Variants in NECTIN2 observed in about 807,000 individuals in gnomAD.
NECTIN2 encodes nectin cell adhesion molecule 2.
NECTIN2 carries 23 observed loss-of-function variants against 56.9 expected under a neutral mutation model. The observed-to-expected ratio is 0.40, with a 90% CI of 0.29 to 0.57. The LOEUF is 0.57. Ranked by LOEUF, NECTIN2 falls within the 20% of genes least tolerant of loss-of-function variation. The probability of loss-of-function intolerance (pLI) is 0.38; values close to 1 mark genes in which losing one functional copy is unlikely to be tolerated. For missense variants in NECTIN2, 587 were observed against 718.3 expected, an observed-to-expected ratio of 0.82 and a Z score of 2.09; for synonymous variants, 302 against 313.8, an observed-to-expected ratio of 0.96 and a Z score of 0.40.
chr19:44,878,283 C>A (rs1344422951), intron 5 of NECTIN2: 13 of 1,245,386 alleles, frequency 1.0e-5, no homozygotes, highest in Non-Finnish European at 1.3e-5. Flanking sequence ...GTGGGGGGGA[C>A]ACTGCTGGTG....
rs369691843 is a variant in NECTIN2 at position 44,886,088 on chromosome 19, G to A, written c.1261-45G>A. 152 of 1,577,364 alleles carry A rather than the reference G, an allele frequency of 9.6e-5. 1 individual carries two copies. In the South Asian group the frequency reaches 1.4e-3, roughly 14 times the overall value. Reference sequence around the variant, plus strand: ...GGCCTGGCAGGGAGAAGCTGGCTGGGTGGTGGGGGCAGTTCCTGACCTCCC... The same window carrying A: ...GGCCTGGCAGGGAGAAGCTGGCTGGATGGTGGGGGCAGTTCCTGACCTCCC... On this transcript the variant is annotated intron_variant, in intron 7 of 8. Transcript: ENST00000252483.
rs1969232712 is a variant in NECTIN2, at chr19:44,875,997, A to G, written c.1042+1519A>G. On this transcript the variant is annotated intron_variant, in intron 5 of 8. Coordinates refer to ENST00000252483, the MANE Select transcript of NECTIN2 (RefSeq NM_001042724.2). The surrounding 1 kb of genome is among the most constrained non-coding windows in gnomAD (Gnocchi z 4.2). ...ACTAATCCAGGACAGCAACGGCTGC[A>G]CACGGAGGAATGTCATCCCTCACTC... 6.6e-6 allele frequency among the ~76,000 whole-genome samples: 1 copy of G among 152,158 alleles called. No individual in the cohort carries two copies. The highest frequency in any genetic ancestry group is 2.4e-5 in the African/African-American group (1 of 41,430).
rs531868005 is a variant in NECTIN2, at chr19:44,864,249, T to TC, written c.89-1021dup. Among the ~76,000 whole-genome samples the TC allele has an allele frequency of 7.6e-4, 116 of 151,754 alleles. 3 individuals carry two copies. The East Asian group carries it at 0.02, about 26-fold the overall frequency. On this transcript the variant is annotated intron_variant, in intron 1 of 8. Transcript: ENST00000252483. ...GTAGTCCCAGCTTGAACCTGGGAGGTCAAGGCTGCAGTGAGCTGGGTGGCC... is the reference window on the plus strand; with the variant it reads ...GTAGTCCCAGCTTGAACCTGGGAGGTCCAAGGCTGCAGTGAGCTGGGTGGCC...
At position 44,874,358 on chromosome 19, in the gene NECTIN2, G is replaced by C. The variant is rs770083015; in HGVS notation, c.922G>C (p.Val308Leu). The C allele has an allele frequency of 2.5e-6, 4 of 1,614,156 alleles. No individual in the cohort carries two copies. Among genetic ancestry groups the C allele is most frequent in the Non-Finnish European group, 3.4e-6 (4 of 1,180,020 alleles). ...CTCAGGCACCTTCCCGACCTCCGCA[G>C]TGGCCCAGGGCTCCCAGCTGGTCAT... ...TTSGTFPTSA[V>L]AQGSQLVIHA... Residue 308 changes from valine (V) to leucine (L), a missense_variant, in exon 5 of 9, where the codon GTG becomes CTG. Physicochemically the swap from Val to Leu is conservative, Grantham distance 32 (BLOSUM62 1). Coordinates refer to ENST00000252483, the MANE Select transcript of NECTIN2 (RefSeq NM_001042724.2). The surrounding 1 kb of genome is among the most constrained non-coding windows in gnomAD (Gnocchi z 6.3).
At chr19:44,871,692 CAG>C (rs1321177658) in intron 2 of NECTIN2, among the ~76,000 whole-genome samples, 159 bp from the exon 3 acceptor site, 3 of 152,178 alleles carry the variant, frequency 2.0e-5, no homozygotes, top group Non-Finnish European at 4.4e-5. Context: ...GAAACAGCTA[CAG>C]AGTTGCAAAA....
intron 1 of NECTIN2, among the ~76,000 whole-genome samples, chr19:44,860,161 G>T (rs1393901966): frequency 6.6e-6 from 1 of 152,214 alleles, no homozygotes; most frequent in Non-Finnish European, 1.5e-5. Context: ...AACAGAGACA[G>T]AAAGTTGCAT....
At chr19:44,850,931 AG>A (rs1212918027) in intron 1 of NECTIN2, among the ~76,000 whole-genome samples, 1 of 152,134 alleles carries the variant, frequency 6.6e-6, no homozygotes, top group Non-Finnish European at 1.5e-5. Context: ...TGTGCTTTAT[AG>A]ATCTGCGGGG....
chr19:44,865,298 T>C lies in NECTIN2; in HGVS notation c.116T>C (p.Leu39Pro). 6.2e-7 allele frequency: 1 copy of C among 1,613,362 alleles called. No homozygotes were observed. The highest frequency in any genetic ancestry group is 1.1e-5 in the South Asian group (1 of 91,020). ...TGAQDVRVQVLPEVRGQLGGT... is the reference protein window; with the variant it reads ...TGAQDVRVQVPPEVRGQLGGT... ...GCCCAGGATGTGCGAGTTCAAGTGC[T>C]ACCCGAGGTGCGAGGCCAGCTCGGG... The change falls in exon 2 of 9, where the codon CTA (leucine) becomes CCA (proline). Residue 39 changes from leucine to proline, a missense_variant. Physicochemically the swap from Leu to Pro is moderately conservative, Grantham distance 98. Coordinates refer to ENST00000252483, the MANE Select transcript of NECTIN2 (RefSeq NM_001042724.2). The surrounding 1 kb of genome is among the most constrained non-coding windows in gnomAD (Gnocchi z 5.2).
rs947019934 is a variant in NECTIN2 at position 44,885,591 on chromosome 19, C to T, written c.1197-346C>T. Among the ~76,000 whole-genome samples, 4 of 152,294 alleles carry T rather than the reference C, an allele frequency of 2.6e-5. No individual in the cohort carries two copies. In the South Asian group the frequency reaches 8.3e-4, roughly 32 times the overall value. On this transcript the variant is annotated intron_variant, in intron 6 of 8. Coordinates refer to ENST00000252483, the MANE Select transcript of NECTIN2 (RefSeq NM_001042724.2). ...CCTCCCAAAGTGCTGGGATTACAGG[C>T]GTGAGCCACTGCCCCCAGCCCAACA...
intron 6 of NECTIN2, among the ~76,000 whole-genome samples, chr19:44,883,091 A>G (rs948740973): frequency 2.6e-4 from 39 of 152,132 alleles, no homozygotes; most frequent in Non-Finnish European, 4.7e-4. Flanking sequence ...AGTTGTTAAT[A>G]AAAGAAGAAA....
chr19:44,882,596 C>T (rs1039833466), intron 6 of NECTIN2, among the ~76,000 whole-genome samples: 1 of 150,494 alleles, frequency 6.6e-6, no homozygotes, highest in Non-Finnish European at 1.5e-5. Context: ...ACCTGCCATC[C>T]CAGCACTTTT....
Position 44,846,467 on chromosome 19 carries a change from G to A in NECTIN2, c.-59G>A. ...CACCTACTAAACCGCCCAGCCGATC[G>A]GCCCCCACAGAGTGGCCCGCGGGCC... On this transcript the variant is annotated 5_prime_UTR_variant, in exon 1 of 9. Coordinates refer to ENST00000252483, the MANE Select transcript of NECTIN2 (RefSeq NM_001042724.2). The A allele has an allele frequency of 7.1e-7, 1 of 1,399,558 alleles. No individual in the cohort carries two copies. The highest frequency in any genetic ancestry group is 3.0e-5 in the East Asian group (1 of 33,888). 86.7% of individuals were successfully genotyped at this position (1,399,558 alleles called of 1,614,324 possible).
intron 5 of NECTIN2, among the ~76,000 whole-genome samples, chr19:44,877,112 C>T (rs961220273): frequency 3.9e-5 from 6 of 152,026 alleles, no homozygotes; most frequent in Non-Finnish European, 7.4e-5. Context: ...TTTTTTAATG[C>T]TATTTGTGAG....
chr19:44,880,166 G>A (rs1431274898), intron 5 of NECTIN2, among the ~76,000 whole-genome samples: 1 of 152,176 alleles, frequency 6.6e-6, no homozygotes. Context: ...CTGGTTGTTT[G>A]TTGTCTGTAC....
intron 2 of NECTIN2, 56 bp from the exon 3 acceptor site, chr19:44,871,797 G>C (rs944351157): frequency 1.3e-6 from 2 of 1,565,492 alleles, no homozygotes; most frequent in African/African-American, 2.7e-5. Flanking sequence ...TCTGCTGAGT[G>C]TTTGTTGAAT....
chr19:44,876,258 C>G (rs1441782500), intron 5 of NECTIN2, among the ~76,000 whole-genome samples: 2 of 152,188 alleles, frequency 1.3e-5, no homozygotes, highest in Middle Eastern at 3.4e-3. Context: ...CAGCTCCACC[C>G]GCCCAGACAG....
intron 1 of NECTIN2, among the ~76,000 whole-genome samples, chr19:44,853,205 T>C (rs1157172397): frequency 6.6e-6 from 1 of 150,436 alleles, no homozygotes; most frequent in African/African-American, 2.4e-5. Context: ...AGCAATGGGA[T>C]TTTTTTTTTC....
rs200343558 is a variant in NECTIN2 at position 44,885,622 on chromosome 19, C to CT, written c.1197-309dup. Among the ~76,000 whole-genome samples the CT allele has an allele frequency of 9.1e-3, 1,391 of 152,162 alleles. 12 individuals are homozygous for CT. Among genetic ancestry groups the CT allele is most frequent in the African/African-American group, 0.031 (1,270 of 41,532 alleles). On this transcript the variant is annotated intron_variant, in intron 6 of 8. Coordinates refer to ENST00000252483, the MANE Select transcript of NECTIN2 (RefSeq NM_001042724.2). ...CCACTGCCCCCAGCCCAACACAGAT[C>CT]TTTTTTCCCTCCCAGAGCTCACAGT...
At chr19:44,871,203 G>A (rs1363771915) in intron 2 of NECTIN2, among the ~76,000 whole-genome samples, 1 of 152,002 alleles carries the variant, frequency 6.6e-6, no homozygotes. Context: ...TAGGCTTTTG[G>A]ACCCTGTCTC....
Sources: allele counts gnomAD v4.1 joint callset (sites outside exome capture counted in the v4.1 genomes callset), GRCh38; gene constraint gnomAD v4.1.1; non-coding constraint Gnocchi (gnomAD v3.1); transcripts MANE v1.5; gene names NCBI Gene and HGNC (gene_info 2026-07-23, HGNC 2026-07-21).